The following CA10 variants were observed in gnomAD, a reference collection of about 807,000 sequenced individuals.
CA10 encodes carbonic anhydrase 10 (inactive).
CA10 carries 14 observed loss-of-function variants against 44.2 expected under a neutral mutation model. That is an observed-to-expected ratio of 0.32 (90% CI 0.21 to 0.50). The LOEUF is 0.50. Ranked by LOEUF, CA10 falls within the 20% of genes least tolerant of loss-of-function variation. The probability of loss-of-function intolerance (pLI) is 0.99; values close to 1 mark genes in which losing one functional copy is unlikely to be tolerated. For synonymous variants in CA10, 159 were observed against 141.6 expected (o/e 1.12, Z -0.87); for missense variants, 350 against 409.7 (o/e 0.85, Z 1.26).
At chr17:51,689,154 C>T (rs1028554731) in intron 4 of CA10, among the ~76,000 whole-genome samples, 3 of 152,100 alleles carry the variant, frequency 2.0e-5, no homozygotes, top group African/African-American at 7.2e-5. Flanking sequence ...GTTGGCCTCC[C>T]TAGTACCCAC....
At chr17:52,108,191 T>A (rs1314190123) in intron 1 of CA10, among the ~76,000 whole-genome samples, 6 of 61,344 alleles carry the variant, frequency 9.8e-5, no homozygotes, top group East Asian at 6.9e-4. Context: ...ATATATATAT[T>A]TTTTATATAT....
At chr17:51,868,057 A>AACACACACACACACAC (rs34631877) in intron 3 of CA10, among the ~76,000 whole-genome samples, 3 of 144,846 alleles carry the variant, frequency 2.1e-5, no homozygotes, top group Non-Finnish European at 3.1e-5. Context: ...AAGCAGGTGT[A>AACACACACACACACAC]ACACACACAC....
intron 2 of CA10, among the ~76,000 whole-genome samples, chr17:51,957,218 G>A (rs1983700034): frequency 6.6e-6 from 1 of 152,158 alleles, no homozygotes; most frequent in Non-Finnish European, 1.5e-5. Flanking sequence ...CAAATTGAAA[G>A]GAAAGTAAGA....
At chr17:52,129,057 T>C (rs1007413395) in intron 1 of CA10, among the ~76,000 whole-genome samples, 10 of 152,164 alleles carry the variant, frequency 6.6e-5, no homozygotes, top group African/African-American at 2.4e-4. Flanking sequence ...AGTGTTCTAT[T>C]GAAAGAAGTG....
chr17:51,736,102 C>A (rs1448259090), intron 4 of CA10, among the ~76,000 whole-genome samples: 1 of 152,102 alleles, frequency 6.6e-6, no homozygotes, highest in East Asian at 1.9e-4. Flanking sequence ...CTGGGGGAAA[C>A]CACCCTGTAG....
At chr17:51,948,263 C>T (rs954948454) in intron 2 of CA10, among the ~76,000 whole-genome samples, 3 of 152,166 alleles carry the variant, frequency 2.0e-5, no homozygotes, top group African/African-American at 7.2e-5. Context: ...TCAGCTCATT[C>T]CTGCAGGCTC....
chr17:51,716,609 A>G (rs1300606255), intron 4 of CA10, among the ~76,000 whole-genome samples: 2 of 152,112 alleles, frequency 1.3e-5, no homozygotes, highest in African/African-American at 4.8e-5. Context: ...TGTCAGTGAC[A>G]TGGTTCAAAT....
At chr17:51,752,097 C>T (rs1057149291) in intron 3 of CA10, among the ~76,000 whole-genome samples, 3 of 152,044 alleles carry the variant, frequency 2.0e-5, no homozygotes, top group African/African-American at 7.2e-5. Context: ...CCCTTTTCCC[C>T]ACTCTTCCCA....
chr17:51,644,126 A>AT (rs565630447), intron 6 of CA10, among the ~76,000 whole-genome samples: 6 of 150,786 alleles, frequency 4.0e-5, no homozygotes, highest in Admixed American at 1.3e-4. Context: ...CCTGGCATTG[A>AT]TTTTTTTTGT....
intron 3 of CA10, among the ~76,000 whole-genome samples, chr17:51,880,690 A>G (rs1165772179): frequency 6.6e-6 from 1 of 151,956 alleles, no homozygotes; most frequent in Non-Finnish European, 1.5e-5. Context: ...TTAACTGTTG[A>G]CTCCCTGCCA....
At chr17:51,764,180 G>A (rs991907587) in intron 3 of CA10, among the ~76,000 whole-genome samples, 1 of 152,124 alleles carries the variant, frequency 6.6e-6, no homozygotes, top group African/African-American at 2.4e-5. Flanking sequence ...ATTGTCTCCT[G>A]ACTGCTCATG....
At chr17:51,715,370 T>TA (rs1258708660) in intron 4 of CA10, among the ~76,000 whole-genome samples, 54 of 151,638 alleles carry the variant, frequency 3.6e-4, no homozygotes, top group Non-Finnish European at 5.7e-4. Context: ...TAATAAAATT[T>TA]AAAAAAAACC....
At chr17:51,933,298 C>T (rs550446861) in intron 2 of CA10, among the ~76,000 whole-genome samples, 18 of 151,800 alleles carry the variant, frequency 1.2e-4, no homozygotes, top group Non-Finnish European at 1.9e-4. Context: ...AATGTAATCA[C>T]AGAAGTCTTT....
At chr17:51,872,754 G>A (rs916953479) in intron 3 of CA10, among the ~76,000 whole-genome samples, 3 of 152,170 alleles carry the variant, frequency 2.0e-5, no homozygotes, top group African/African-American at 2.4e-5. Context: ...ATTGGCCATG[G>A]TTGGAGAATT....
chr17:51,642,152 T>C (rs1038575250), intron 6 of CA10, among the ~76,000 whole-genome samples: 15 of 152,248 alleles, frequency 9.9e-5, no homozygotes, highest in African/African-American at 3.4e-4. Flanking sequence ...GGAGGTAAGC[T>C]GCTCCTGTTC....
chr17:51,731,001 C>A (rs529071654), intron 4 of CA10, among the ~76,000 whole-genome samples: 1 of 152,036 alleles, frequency 6.6e-6, no homozygotes, highest in Non-Finnish European at 1.5e-5. Context: ...CCGGATAAGA[C>A]GGTCCCTGAC....
chr17:52,102,870 G>A (rs184013755), intron 1 of CA10, among the ~76,000 whole-genome samples: 1 of 151,970 alleles, frequency 6.6e-6, no homozygotes, highest in Non-Finnish European at 1.5e-5. Context: ...CCTTACAAAA[G>A]GTCCAAAATT....
intron 4 of CA10, among the ~76,000 whole-genome samples, chr17:51,710,147 C>T (rs375731124): frequency 1.4e-4 from 22 of 152,156 alleles, no homozygotes; most frequent in South Asian, 6.3e-4. Context: ...AACTGGAGGG[C>T]GGTTTGATCT....
At chr17:51,710,270 C>T (rs1214197815) in intron 4 of CA10, among the ~76,000 whole-genome samples, 2 of 152,164 alleles carry the variant, frequency 1.3e-5, no homozygotes, top group Non-Finnish European at 2.9e-5. Flanking sequence ...CCAAAGTCAG[C>T]TTGCCAGAAA....
Sources: allele counts gnomAD v4.1 joint callset (sites outside exome capture counted in the v4.1 genomes callset), GRCh38; gene constraint gnomAD v4.1.1; transcripts MANE v1.5; gene names NCBI Gene and HGNC (gene_info 2026-07-23, HGNC 2026-07-21).